Variants in PRKAR2A observed in about 807,000 individuals in gnomAD.
The protein encoded by PRKAR2A is cAMP-dependent protein kinase type II-alpha regulatory subunit.
Under a neutral mutation model 51.9 loss-of-function variants are expected in PRKAR2A, and 29 were observed. The observed-to-expected ratio is 0.56, with a 90% CI of 0.42 to 0.76. The LOEUF is 0.76. Ranked by LOEUF, PRKAR2A falls within the 30% of genes least tolerant of loss-of-function variation. PRKAR2A has a pLI of 0.00. For missense variants in PRKAR2A, 445 were observed against 512.1 expected, an observed-to-expected ratio of 0.87 and a Z score of 1.26; for synonymous variants, 178 against 186.2, an observed-to-expected ratio of 0.96 and a Z score of 0.36.
At chr3:48,764,204 A>G (rs954405784) in intron 8 of PRKAR2A, among the ~76,000 whole-genome samples, 2 of 152,218 alleles carry the variant, frequency 1.3e-5, no homozygotes, top group Admixed American at 1.3e-4. Context: ...ATTTATGTTT[A>G]ATTAAAAATA....
intron 1 of PRKAR2A, among the ~76,000 whole-genome samples, chr3:48,808,029 TTTC>T (rs2082701733): frequency 6.6e-6 from 1 of 151,698 alleles, no homozygotes; most frequent in East Asian, 1.9e-4. Context: ...GTAGTGAAAT[TTTC>T]TTTTTTTCTT....
rs548718522 is a variant in PRKAR2A, at chr3:48,826,881, A to T, written c.263-19197T>A. On this transcript the variant is annotated intron_variant, in intron 1 of 10. Transcript: ENST00000265563. ...TCCAGGTGAATAGGGTTGTAAATTT[A>T]AAAAAAAAAAAACAAAGTAAACTTA... 1.1e-4 allele frequency among the ~76,000 whole-genome samples: 16 copies of T among 142,518 alleles called. No individual in the cohort carries two copies. In the South Asian group the frequency reaches 2.8e-3, roughly 25 times the overall value. 93.5% of individuals were successfully genotyped at this position (142,518 alleles called of 152,430 possible). A position where few individuals can be genotyped will look rare whatever the true frequency, so the allele number is the denominator to read the frequency against.
At chr3:48,841,438 G>A (rs527988117) in intron 1 of PRKAR2A, among the ~76,000 whole-genome samples, 12 of 150,400 alleles carry the variant, frequency 8.0e-5, no homozygotes, top group Non-Finnish European at 1.5e-4. Context: ...CCAGCTACTC[G>A]GAAGGCTGAG....
rs1248817433 is a variant in PRKAR2A, at chr3:48,833,499, G to A, written c.262+13836C>T. Among the ~76,000 whole-genome samples the A allele has an allele frequency of 4.6e-5, 7 of 151,920 alleles. No homozygotes were observed. The East Asian group carries it at 1.4e-3, about 30-fold the overall frequency. ...GAGGCGGGTGGATCACCTGAGGTCA[G>A]GAGTTCAAGACCAGCCTGGCCAACA... On this transcript the variant is annotated intron_variant, in intron 1 of 10. Coordinates refer to ENST00000265563, the MANE Select transcript of PRKAR2A (RefSeq NM_004157.4).
At chr3:48,798,526 T>C (rs2082533958) in intron 2 of PRKAR2A, among the ~76,000 whole-genome samples, 1 of 152,192 alleles carries the variant, frequency 6.6e-6, no homozygotes, top group Non-Finnish European at 1.5e-5. Flanking sequence ...GTATTCCAAT[T>C]GCTACTCCTT....
chr3:48,796,111 C>T lies in PRKAR2A; in HGVS notation c.299-2062G>A, dbSNP rs369965974. 4.6e-5 allele frequency among the ~76,000 whole-genome samples: 7 copies of T among 152,270 alleles called. No homozygotes were observed. In the East Asian group the frequency reaches 9.6e-4, roughly 21 times the overall value. On this transcript the variant is annotated intron_variant, in intron 2 of 10. Transcript: ENST00000265563. ...TTACTGTTTCTCAGAATGAAGCAAA[C>T]CTACTGCCTCTTCACAATACAGGCC...
chr3:48,769,389 C>T (rs929926632), intron 6 of PRKAR2A, among the ~76,000 whole-genome samples: 12 of 151,872 alleles, frequency 7.9e-5, no homozygotes, highest in Non-Finnish European at 1.5e-4. Context: ...AATCTCCTGA[C>T]CTCATGATCC....
intron 2 of PRKAR2A, among the ~76,000 whole-genome samples, chr3:48,800,678 CT>C (rs11349697): frequency 0.64 from 95,518 of 150,376 alleles, 31,220 homozygotes; most frequent in East Asian, 0.96. Context: ...CTTTTCTTTT[CT>C]TTTTTTTTTG....
intron 1 of PRKAR2A, among the ~76,000 whole-genome samples, chr3:48,816,080 T>C (rs1435218635): frequency 2.0e-5 from 3 of 151,220 alleles, no homozygotes. Flanking sequence ...TTCTCCAACC[T>C]TGCCTCCTAT....
intron 1 of PRKAR2A, among the ~76,000 whole-genome samples, chr3:48,822,005 T>C (rs1418416762): frequency 1.3e-5 from 2 of 150,512 alleles, no homozygotes; most frequent in Non-Finnish European, 2.9e-5. Flanking sequence ...GGCGGGCAGA[T>C]CACTTGATGT....
chr3:48,756,234 A>T, intron 9 of PRKAR2A, 145 bp downstream of exon 9: 1 of 655,440 alleles, frequency 1.5e-6, no homozygotes. Flanking sequence ...CTAAATCTAT[A>T]CTAAATGGGC....
chr3:48,833,989 C>T (rs1037226719), intron 1 of PRKAR2A, among the ~76,000 whole-genome samples: 2 of 148,580 alleles, frequency 1.3e-5, no homozygotes, highest in African/African-American at 5.0e-5. Flanking sequence ...GAGCTGAGAT[C>T]GCGTCACTCC....
At chr3:48,792,474 T>C (rs907928249) in intron 3 of PRKAR2A, among the ~76,000 whole-genome samples, 1 of 135,686 alleles carries the variant, frequency 7.4e-6, no homozygotes, top group Non-Finnish European at 1.6e-5. Flanking sequence ...TTTTTTTTTT[T>C]TTTTTGAGAT....
At chr3:48,804,471 T>A (rs1575905446) in intron 2 of PRKAR2A, among the ~76,000 whole-genome samples, 1 of 151,762 alleles carries the variant, frequency 6.6e-6, no homozygotes, top group East Asian at 1.9e-4. Flanking sequence ...AAAAAAAAAA[T>A]TAAAAATTTA....
At chr3:48,757,939 C>T (rs1039297761) in intron 8 of PRKAR2A, among the ~76,000 whole-genome samples, 2 of 152,082 alleles carry the variant, frequency 1.3e-5, no homozygotes, top group Non-Finnish European at 2.9e-5. Flanking sequence ...GCCTGTAATC[C>T]CAGCTACTTG....
chr3:48,799,707 G>C lies in PRKAR2A; in HGVS notation c.299-5658C>G, dbSNP rs1179122987. Among the ~76,000 whole-genome samples, 4 of 152,214 alleles carry C rather than the reference G, an allele frequency of 2.6e-5. No homozygotes were observed. In the South Asian group the frequency reaches 6.2e-4, roughly 24 times the overall value. ...CATGGCACCAGGTTCTCAGTGGACT[G>C]TTCTGCTGCCTGTCACAGTCATCAC... On this transcript the variant is annotated intron_variant, in intron 2 of 10. Coordinates refer to ENST00000265563, the MANE Select transcript of PRKAR2A (RefSeq NM_004157.4).
chr3:48,820,485 C>A (rs1376547235), intron 1 of PRKAR2A, among the ~76,000 whole-genome samples: 2 of 152,148 alleles, frequency 1.3e-5, no homozygotes, highest in Admixed American at 1.3e-4. Flanking sequence ...TAGATGACTA[C>A]TGTGAACACT....
Position 48,847,614 on chromosome 3 carries a change from G to A in PRKAR2A, c.-18C>T. ...TGGCTCATGCCGGCGGCGGCCGAAG[G>A]GATAGACGGGTTGGGCCGCCGGCGG... On this transcript the variant is annotated 5_prime_UTR_variant, in exon 1 of 11. Transcript: ENST00000265563. This position sits in a 1 kb window ranked among gnomAD's most constrained non-coding sequence, Gnocchi z 4.4. 1 of 1,441,234 alleles carries A rather than the reference G, an allele frequency of 6.9e-7. No individual in the cohort carries two copies. The highest frequency in any genetic ancestry group is 9.1e-7 in the Non-Finnish European group (1 of 1,104,356). 89.3% of individuals were successfully genotyped at this position (1,441,234 alleles called of 1,614,324 possible).
chr3:48,836,060 TTAAG>T (rs1403221929), intron 1 of PRKAR2A, among the ~76,000 whole-genome samples: 2 of 151,926 alleles, frequency 1.3e-5, no homozygotes, highest in African/African-American at 2.4e-5. Context: ...ACCAAGACAA[TTAAG>T]TGAGAAAAGA....
Sources: gnomAD v4.1 joint callset for allele counts (sites outside exome capture counted in the v4.1 genomes callset) on GRCh38, gnomAD v4.1.1 for gene constraint, Gnocchi (gnomAD v3.1) non-coding constraint, MANE v1.5 for transcripts, NCBI Gene and HGNC (gene_info 2026-07-23, HGNC 2026-07-21) for gene names.